SPNS1: variants seen among roughly 807,000 people sequenced by gnomAD.
The protein encoded by SPNS1 is protein spinster homolog 1.
A neutral mutation model predicts 50.3 loss-of-function variants in SPNS1; 22 were observed. The observed-to-expected ratio is 0.44, with a 90% CI of 0.31 to 0.62. The LOEUF (loss-of-function observed/expected upper bound fraction) is 0.62. Among genes scored for constraint, SPNS1 ranks in the 20% least tolerant of loss-of-function variants. The pLI is 0.07. For synonymous variants in SPNS1, 295 were observed against 317.4 expected, an observed-to-expected ratio of 0.93 and a Z score of 0.75; for missense variants, 576 against 728.6, an observed-to-expected ratio of 0.79 and a Z score of 2.41.
chr16:28,974,923 C>G lies in SPNS1; in HGVS notation c.-229C>G. On this transcript the variant is annotated 5_prime_UTR_variant, in exon 1 of 12. In the 5' UTR this introduces an upstream ATG that the reference lacks. Transcript: ENST00000311008. ...TTCAGCCCGCTCCTGTCCCCGACAT[C>G]ACGTGTATTCCGCACGTCCCCTCCG... is the stretch of plus-strand genomic sequence containing the variant. 1.3e-6 allele frequency: 2 copies of G among 1,511,200 alleles called. No individual in the cohort carries two copies. Among genetic ancestry groups the G allele is most frequent in the Non-Finnish European group, 8.8e-7 (1 of 1,132,054 alleles). The allele number at this position is 1,511,200 out of a possible 1,614,324, so 93.6% of individuals were successfully genotyped here.
chr16:28,982,234 C>A, intron 7 of SPNS1, 122 bp from the exon 8 acceptor site: 1 of 1,358,102 alleles, frequency 7.4e-7, no homozygotes, highest in Non-Finnish European at 1.0e-6. Context: ...CCACTCAGGG[C>A]TGTGCCAACC....
rs79457245 is a variant in SPNS1, at chr16:28,983,906, A to G, written c.1441A>G (p.Thr481Ala). The part of the protein sequence containing the change: ...GALGGAAFLG[T>A]AIFIEADRRR... ...ACTGGGCGGCGCAGCCTTCCTGGGC[A>G]CCGCCATCTTCATTGAGGCCGACCG... Residue 481 changes from threonine to alanine, a missense_variant, in exon 11 of 12, where the codon ACC becomes GCC. Physicochemically the swap from Thr to Ala is moderately conservative, Grantham distance 58 (BLOSUM62 0). Transcript: ENST00000311008. The surrounding 1 kb of genome is among the most constrained non-coding windows in gnomAD (Gnocchi z 5.4). 6.3e-7 allele frequency: 1 copy of G among 1,599,234 alleles called. No homozygotes were observed. Among genetic ancestry groups the G allele is most frequent in the Admixed American group, 1.7e-5 (1 of 59,484 alleles).
At chr16:28,984,155 TTGTC>T (rs969771252) in intron 11 of SPNS1, 46 bp from the exon 12 acceptor site, 7 of 1,519,342 alleles carry the variant, frequency 4.6e-6, no homozygotes, top group Admixed American at 2.1e-5. Context: ...TTCTCTGGCT[TTGTC>T]TGTCTGTCCA....
chr16:28,974,879 C>T lies in SPNS1; in HGVS notation c.-273C>T, dbSNP rs1965276271. 1.3e-6 allele frequency: 2 copies of T among 1,534,262 alleles called. No homozygotes were observed. The highest frequency in any genetic ancestry group is 1.7e-6 in the Non-Finnish European group (2 of 1,145,952). Reference sequence around the variant, plus strand: ...CCTACCCCGGGTGAGGGGTGGCCTCCGCGTGGGATCGTGCCCTCTTCAGCC... The same window carrying T: ...CCTACCCCGGGTGAGGGGTGGCCTCTGCGTGGGATCGTGCCCTCTTCAGCC... On this transcript the variant is annotated 5_prime_UTR_variant, in exon 1 of 12. Transcript: ENST00000311008.
At position 28,975,086 on chromosome 16, in the gene SPNS1, C is replaced by T. The variant is rs1965287675; in HGVS notation, c.-66C>T. 3 of 1,441,500 alleles carry T rather than the reference C, an allele frequency of 2.1e-6. No individual in the cohort carries two copies. Among genetic ancestry groups the T allele is most frequent in the Non-Finnish European group, 2.7e-6 (3 of 1,102,204 alleles). The allele number at this position is 1,441,500 out of a possible 1,614,324, so 89.3% of individuals were successfully genotyped here. A position where few individuals can be genotyped will look rare whatever the true frequency, so the allele number is the denominator to read the frequency against. On this transcript the variant is annotated 5_prime_UTR_variant, in exon 1 of 12. Coordinates refer to ENST00000311008, the MANE Select transcript of SPNS1 (RefSeq NM_032038.3). Reference sequence around the variant, plus strand: ...TTCGGTCCATCCTCCTTTCTCCAGCCTCCTCCCCTCGCAGGTGGGATCGTC... The same window carrying T: ...TTCGGTCCATCCTCCTTTCTCCAGCTTCCTCCCCTCGCAGGTGGGATCGTC...
At chr16:28,975,667 G>T (rs1965317574) in intron 2 of SPNS1, 110 bp downstream of exon 2, 1 of 1,220,622 alleles carries the variant, frequency 8.2e-7, no homozygotes, top group Non-Finnish European at 1.2e-6. Flanking sequence ...TTTGTGGCCA[G>T]TTAGGGGAGG....
chr16:28,979,082 G>T, intron 3 of SPNS1, 73 bp from the exon 4 acceptor site: 1 of 1,551,580 alleles, frequency 6.4e-7, no homozygotes, highest in South Asian at 1.2e-5. Context: ...TGCCTCTTGG[G>T]AGCGGGCTGG....
Position 28,983,791 on chromosome 16 carries a change from T to C in SPNS1, c.1326T>C (p.Ser442=). The change falls in exon 11 of 12, where the codon TCT becomes TCC. Residue 442 remains serine, a synonymous_variant. Transcript: ENST00000311008. This position sits in a 1 kb window ranked among gnomAD's most constrained non-coding sequence, Gnocchi z 5.4. The part of the protein sequence containing the change: ...AGSPYLIGLI[S]DRLRRNWPPS... ...CCTGTCTCCTCTCCCTGCAGATCTC[T>C]GACCGCCTGCGCCGGAACTGGCCCC... The C allele has an allele frequency of 6.3e-7, 1 of 1,589,648 alleles. No individual in the cohort carries two copies. The highest frequency in any genetic ancestry group is 1.3e-5 in the African/African-American group (1 of 74,668).
chr16:28,974,798 C>T lies in SPNS1; in HGVS notation c.-354C>T. On this transcript the variant is annotated 5_prime_UTR_variant, in exon 1 of 12. Transcript: ENST00000311008. The stretch of plus-strand genomic sequence containing the variant: ...GCGTCACATGACCGGCTTTAAGCAA[C>T]ATGGCGGCTGCCGTGGTGCAGCGCC... The T allele has an allele frequency of 1.3e-6, 2 of 1,535,730 alleles. No individual in the cohort carries two copies. Among genetic ancestry groups the T allele is most frequent in the South Asian group, 1.2e-5 (1 of 84,020 alleles).
At position 28,981,332 on chromosome 16, in the gene SPNS1, G is replaced by A; in HGVS notation, c.664-138G>A. 1 of 1,146,846 alleles carries A rather than the reference G, an allele frequency of 8.7e-7. No homozygotes were observed. 71.0% of individuals were successfully genotyped at this position (1,146,846 alleles called of 1,614,324 possible). On this transcript the variant is annotated intron_variant, in intron 5 of 11. Transcript: ENST00000311008. The surrounding 1 kb of genome is among the most constrained non-coding windows in gnomAD (Gnocchi z 4.2). ...GGCAGCCCCCTTCCCCCAGATTGCA[G>A]GTTCGGCTTCTTGGAGCAGGCACTT...
intron 3 of SPNS1, 23 bp downstream of exon 3, chr16:28,978,067 G>GT (rs1194736495): frequency 6.2e-7 from 1 of 1,608,408 alleles, no homozygotes; most frequent in South Asian, 1.1e-5. Flanking sequence ...GCTGGCTCCT[G>GT]TTTCTGCCCA....
Position 28,975,068 on chromosome 16 carries a change from C to T in SPNS1, c.-84C>T, listed in dbSNP as rs1232136849. On this transcript the variant is annotated 5_prime_UTR_variant, in exon 1 of 12. Coordinates refer to ENST00000311008, the MANE Select transcript of SPNS1 (RefSeq NM_032038.3). ...GCACTTCCCTCGCCTGTGTTCGGTCCATCCTCCTTTCTCCAGCCTCCTCCC... is the reference window on the plus strand; with the variant it reads ...GCACTTCCCTCGCCTGTGTTCGGTCTATCCTCCTTTCTCCAGCCTCCTCCC... The T allele has an allele frequency of 3.5e-6, 5 of 1,437,242 alleles. No individual in the cohort carries two copies. Among genetic ancestry groups the T allele is most frequent in the Non-Finnish European group, 4.5e-6 (5 of 1,099,712 alleles). 89.0% of individuals were successfully genotyped at this position (1,437,242 alleles called of 1,614,324 possible). A position where few individuals can be genotyped will look rare whatever the true frequency, so the allele number is the denominator to read the frequency against.
intron 5 of SPNS1, chr16:28,980,463 T>C (rs1965505965): frequency 6.6e-6 from 1 of 152,152 alleles, no homozygotes; most frequent in African/African-American, 2.4e-5. Context: ...GCTCTCATTC[T>C]GCTGAGCCTG....
chr16:28,979,374 C>G (rs767709713), intron 4 of SPNS1, 31 bp from the exon 5 acceptor site: 2 of 1,613,976 alleles, frequency 1.2e-6, no homozygotes, highest in East Asian at 2.2e-5. Flanking sequence ...GACTGGCTGT[C>G]CCCCCTTTTT....
rs1965563858 is a variant in SPNS1 at position 28,981,826 on chromosome 16, G to T, written c.810-75G>T. On this transcript the variant is annotated intron_variant, in intron 6 of 11. Transcript: ENST00000311008. The surrounding 1 kb of genome is among the most constrained non-coding windows in gnomAD (Gnocchi z 4.2). ...TTGTGACCTTACTAAAATAAGCCAG[G>T]AAGGGAGAAGAGAGGTCCCCTCCTG... 2.5e-6 allele frequency: 4 copies of T among 1,582,586 alleles called. No individual in the cohort carries two copies. Among genetic ancestry groups the T allele is most frequent in the Non-Finnish European group, 3.5e-6 (4 of 1,156,708 alleles).
intron 2 of SPNS1, 107 bp from the exon 3 acceptor site, chr16:28,977,801 T>C: frequency 7.0e-7 from 1 of 1,434,948 alleles, no homozygotes; most frequent in Non-Finnish European, 9.5e-7. Context: ...TGTTGTGAAT[T>C]CTGTAAGGAG....
chr16:28,974,806 C>T lies in SPNS1; in HGVS notation c.-346C>T. On this transcript the variant is annotated 5_prime_UTR_variant, in exon 1 of 12. Coordinates refer to ENST00000311008, the MANE Select transcript of SPNS1 (RefSeq NM_032038.3). ...TGACCGGCTTTAAGCAACATGGCGG[C>T]TGCCGTGGTGCAGCGCCCGGGCTGA... 2 of 1,535,716 alleles carry T rather than the reference C, an allele frequency of 1.3e-6. No individual in the cohort carries two copies. The highest frequency in any genetic ancestry group is 1.7e-6 in the Non-Finnish European group (2 of 1,146,578).
At chr16:28,977,136 G>C (rs1965370941) in intron 2 of SPNS1, among the ~76,000 whole-genome samples, 1 of 152,012 alleles carries the variant, frequency 6.6e-6, no homozygotes, top group Non-Finnish European at 1.5e-5. Context: ...TGGCTAACAT[G>C]GTGAAACCCC....
At chr16:28,976,704 A>G (rs1243224412) in intron 2 of SPNS1, among the ~76,000 whole-genome samples, 1 of 152,210 alleles carries the variant, frequency 6.6e-6, no homozygotes, top group African/African-American at 2.4e-5. Context: ...CTCCAGGCCA[A>G]TGAGGAACTG....
Sources: gnomAD v4.1 joint callset for allele counts (sites outside exome capture counted in the v4.1 genomes callset) on GRCh38, gnomAD v4.1.1 for gene constraint, Gnocchi (gnomAD v3.1) non-coding constraint, MANE v1.5 for transcripts, NCBI Gene and HGNC (gene_info 2026-07-23, HGNC 2026-07-21) for gene names.